The following CAPN6 variants were observed in gnomAD, a reference collection of about 807,000 sequenced individuals.
The protein encoded by CAPN6 is calpain-6.
CAPN6 carries 16 observed loss-of-function variants against 46.0 expected under a neutral mutation model. The observed-to-expected ratio is 0.35, with a 90% CI of 0.24 to 0.53. The LOEUF (loss-of-function observed/expected upper bound fraction) is 0.53, where lower values mean the gene tolerates loss of function less well. Ranked by LOEUF, CAPN6 falls within the 20% of genes least tolerant of loss-of-function variation. CAPN6 has a pLI of 0.94. For synonymous variants in CAPN6, 206 were observed against 172.8 expected, an observed-to-expected ratio of 1.19 and a Z score of -1.51; for missense variants, 461 against 498.0, an observed-to-expected ratio of 0.93 and a Z score of 0.71.
chrX:111,256,217 G>T (rs1430011327), intron 2 of CAPN6, among the ~76,000 whole-genome samples: 1 of 110,864 alleles, frequency 9.0e-6, no homozygotes, highest in South Asian at 3.9e-4. Context: ...TGGTCAACAT[G>T]GTGAAACCCC....
At chrX:111,254,504 T>A in intron 2 of CAPN6, 101 bp from the exon 3 acceptor site, 1 of 584,525 alleles carries the variant, frequency 1.7e-6, no homozygotes, top group Non-Finnish European at 2.7e-6. Context: ...GGAGATAAGG[T>A]TAGGGTTGAA....
chrX:111,246,774 G>A lies in CAPN6; in HGVS notation c.1744-15C>T, dbSNP rs1453763333. The A allele has an allele frequency of 4.2e-6, 5 of 1,187,033 alleles. 1 individual carries two copies. The South Asian group carries it at 5.5e-5, about 13-fold the overall frequency. On this transcript the variant is annotated splice_polypyrimidine_tract_variant and intron_variant, in intron 12 of 12. Coordinates refer to ENST00000324068, the MANE Select transcript of CAPN6 (RefSeq NM_014289.4). ...CTGTTCCAGACCTGGAAAGACAAACGAAGGGAGTGAAGATGAGCAGCCCTC... is the reference window on the plus strand; with the variant it reads ...CTGTTCCAGACCTGGAAAGACAAACAAAGGGAGTGAAGATGAGCAGCCCTC...
chrX:111,262,377 G>A (rs2094988554), intron 2 of CAPN6, among the ~76,000 whole-genome samples: 1 of 112,262 alleles, frequency 8.9e-6, no homozygotes, highest in African/African-American at 3.2e-5. Context: ...ACACCACATG[G>A]TAGCAACGTG....
chrX:111,255,384 G>A (rs1034381462), intron 2 of CAPN6, among the ~76,000 whole-genome samples: 6 of 112,147 alleles, frequency 5.4e-5, no homozygotes, highest in Non-Finnish European at 3.8e-5. Context: ...CATGGGCAAA[G>A]GCATTGTGGC....
chrX:111,268,212 T>C (rs1476513163), intron 1 of CAPN6, among the ~76,000 whole-genome samples: 2 of 111,245 alleles, frequency 1.8e-5, no homozygotes, highest in African/African-American at 3.3e-5. Flanking sequence ...TTCAAAGCCA[T>C]TCAAAGGAAA....
In CAPN6 at chrX:111,251,551, T is replaced by C; in HGVS notation, c.891A>G (p.Glu297=). The C allele has an allele frequency of 1.7e-6, 2 of 1,201,471 alleles. No individual in the cohort carries two copies. The highest frequency in any genetic ancestry group is 2.3e-6 in the Non-Finnish European group (2 of 886,946). ...GRQEWSGPWS[E]ISEEWQQLTA... ...TGTGAAAGTGGAATGCAACTCACAT[T>C]TCACTCCAGGGGCCACTCCATTCCT... The change falls in exon 6 of 13, where the codon GAA becomes GAG. Residue 297 remains glutamate, a splice_region_variant and synonymous_variant. Coordinates refer to ENST00000324068, the MANE Select transcript of CAPN6 (RefSeq NM_014289.4).
chrX:111,263,910 T>C lies in CAPN6; in HGVS notation c.27A>G (p.Lys9=). The C allele has an allele frequency of 8.3e-7, 1 of 1,206,297 alleles. No homozygotes were observed. Among genetic ancestry groups the C allele is most frequent in the South Asian group, 1.8e-5 (1 of 55,630 alleles). Residue 9 remains lysine, a synonymous_variant, in exon 2 of 13, where the codon AAA becomes AAG. Coordinates refer to ENST00000324068, the MANE Select transcript of CAPN6 (RefSeq NM_014289.4). MGPPLKLF[K]NQKYQELKQE... ...GCTTCAGTTCCTGGTATTTCTGGTT[T>C]TTGAAGAGCTTCAGAGGAGGACCCA... is the stretch of plus-strand genomic sequence containing the variant.
chrX:111,249,830 AGAAG>A (rs3062792), intron 8 of CAPN6, among the ~76,000 whole-genome samples: 11,326 of 93,207 alleles, frequency 0.12, 1,848 homozygotes, highest in African/African-American at 0.4. Context: ...AATGAAGGAA[AGAAG>A]GAAGGAAGGA....
chrX:111,258,316 C>T (rs1295522947), intron 2 of CAPN6, among the ~76,000 whole-genome samples: 1 of 112,098 alleles, frequency 8.9e-6, no homozygotes, highest in African/African-American at 3.2e-5. Context: ...AAAAGTGCTA[C>T]GTGCAATCTA....
At chrX:111,253,319 T>C in intron 3 of CAPN6, 103 bp from the exon 4 acceptor site, 1 of 618,780 alleles carries the variant, frequency 1.6e-6, no homozygotes, top group East Asian at 3.3e-5. Flanking sequence ...ACAGGAAGCA[T>C]GCCACATACA....
At chrX:111,254,738 T>A (rs1000407370) in intron 2 of CAPN6, among the ~76,000 whole-genome samples, 2 of 111,138 alleles carry the variant, frequency 1.8e-5, no homozygotes, top group African/African-American at 6.5e-5. Context: ...TCCAAAAAAA[T>A]AATAACTAGG....
chrX:111,264,369 A>G (rs1216245445), intron 1 of CAPN6, among the ~76,000 whole-genome samples: 1 of 112,504 alleles, frequency 8.9e-6, no homozygotes, highest in Non-Finnish European at 1.9e-5. Flanking sequence ...TACTGTAGTC[A>G]GAATAATTTG....
intron 2 of CAPN6, among the ~76,000 whole-genome samples, chrX:111,262,254 C>G (rs138523102): frequency 0.032 from 3,545 of 111,910 alleles, 74 homozygotes; most frequent in Non-Finnish European, 0.051. Context: ...TCAGACAGAG[C>G]GAACTTCTCC....
chrX:111,250,198 G>A (rs940565587), intron 8 of CAPN6, among the ~76,000 whole-genome samples: 48 of 111,495 alleles, frequency 4.3e-4, no homozygotes, highest in African/African-American at 1.5e-3. Flanking sequence ...AAGAAAAGAC[G>A]CACCCATGGG....
Position 111,251,691 on chromosome X carries a change from C to T in CAPN6, c.751G>A (p.Gly251Ser), listed in dbSNP as rs777703774. The change falls in exon 6 of 13, where the codon GGC (glycine) becomes AGC (serine). Residue 251 changes from glycine to serine, a missense_variant. Physicochemically the swap from Gly to Ser is moderately conservative, Grantham distance 56 (BLOSUM62 0). Transcript: ENST00000324068. Reference sequence around the variant, plus strand: ...ATATCAGTCATGGTATAGGTATGGCCCTTCAGCAGACCCCAATCAGTTTCA... The same window carrying T: ...ATATCAGTCATGGTATAGGTATGGCTCTTCAGCAGACCCCAATCAGTTTCA... ...EVETDWGLLK[G>S]HTYTMTDIRK... is the part of the protein sequence containing the mutation. 3.3e-6 allele frequency: 4 copies of T among 1,208,642 alleles called. No individual in the cohort carries two copies.
At chrX:111,262,475 T>C (rs184101557) in intron 2 of CAPN6, among the ~76,000 whole-genome samples, 17 of 111,819 alleles carry the variant, frequency 1.5e-4, no homozygotes, top group African/African-American at 5.2e-4. Context: ...GTAAAAGGGT[T>C]ACTTGAGGGA....
chrX:111,251,683 G>T lies in CAPN6; in HGVS notation c.759C>A (p.Thr253=). The T allele has an allele frequency of 1.7e-6, 2 of 1,210,517 alleles. No homozygotes were observed. The highest frequency in any genetic ancestry group is 2.2e-6 in the Non-Finnish European group (2 of 894,404). ...TTTTGCGAATATCAGTCATGGTATA[G>T]GTATGGCCCTTCAGCAGACCCCAAT... ...ETDWGLLKGH[T]YTMTDIRKIR... Residue 253 remains threonine, a synonymous_variant, in exon 6 of 13, where the codon ACC becomes ACA. Transcript: ENST00000324068.
intron 5 of CAPN6, among the ~76,000 whole-genome samples, chrX:111,252,093 G>A (rs759265501): frequency 4.0e-4 from 45 of 112,073 alleles, no homozygotes; most frequent in African/African-American, 1.4e-3. Context: ...AAGCCTGGAT[G>A]CTGCATTGGT....
chrX:111,263,908 T>A lies in CAPN6; in HGVS notation c.29A>T (p.Asn10Ile). ...CTGCTTCAGTTCCTGGTATTTCTGG[T>A]TTTTGAAGAGCTTCAGAGGAGGACC... MGPPLKLFK[N>I]QKYQELKQEC... The change falls in exon 2 of 13, where the codon AAC becomes ATC. Residue 10 changes from asparagine to isoleucine, a missense_variant. By Grantham distance (149) the Asn-to-Ile change is moderately radical (BLOSUM62 -3). Coordinates refer to ENST00000324068, the MANE Select transcript of CAPN6 (RefSeq NM_014289.4). The A allele has an allele frequency of 1.7e-6, 2 of 1,206,614 alleles. No individual in the cohort carries two copies. The highest frequency in any genetic ancestry group is 2.2e-6 in the Non-Finnish European group (2 of 893,101).
Sources: allele counts gnomAD v4.1 joint callset (sites outside exome capture counted in the v4.1 genomes callset), GRCh38; gene constraint gnomAD v4.1.1; transcripts MANE v1.5; gene names NCBI Gene and HGNC (gene_info 2026-07-23, HGNC 2026-07-21).